Variants in EYA1 observed in about 807,000 individuals in gnomAD.
EYA1 encodes the protein protein phosphatase EYA1.
In EYA1, 16 loss-of-function variants were observed where a neutral mutation model predicts 82.0. That is an observed-to-expected ratio of 0.20 (90% CI 0.13 to 0.30). The LOEUF (loss-of-function observed/expected upper bound fraction) is 0.30. Ranked by LOEUF, EYA1 falls within the 10% of genes least tolerant of loss-of-function variation. The pLI is 1.00. For synonymous variants in EYA1, 261 were observed against 264.4 expected (o/e 0.99, Z 0.12); for missense variants, 633 against 730.7 (o/e 0.87, Z 1.54).
At position 71,215,528 on chromosome 8, in the gene EYA1, AC is replaced by A. The variant is rs774597787; in HGVS notation, c.1476-21del. 36 of 1,613,366 alleles carry A rather than the reference AC, an allele frequency of 2.2e-5. No individual in the cohort carries two copies. The Admixed American group carries it at 4.3e-4, about 19-fold the overall frequency. On this transcript the variant is annotated intron_variant, in intron 15 of 17. Transcript: ENST00000340726. ...TTTGTCCTATGAGAACAAAAAGAAAACAAAGACTGTTGAAAAATAAATCTCC... is the reference window on the plus strand; with the variant it reads ...TTTGTCCTATGAGAACAAAAAGAAAAAAAGACTGTTGAAAAATAAATCTCC...
intron 2 of EYA1, among the ~76,000 whole-genome samples, chr8:71,475,222 A>G (rs1563650728): frequency 1.3e-5 from 2 of 152,222 alleles, no homozygotes; most frequent in Non-Finnish European, 2.9e-5. Context: ...AAATCAAGGT[A>G]TATAATAGTG....
At chr8:71,290,701 C>T (rs1818901043) in intron 9 of EYA1, among the ~76,000 whole-genome samples, 1 of 151,930 alleles carries the variant, frequency 6.6e-6, no homozygotes, top group African/African-American at 2.4e-5. Context: ...TCACAGGTAA[C>T]AAAACTCATT....
chr8:71,374,759 G>A (rs1263824005), intron 2 of EYA1, among the ~76,000 whole-genome samples: 1 of 152,086 alleles, frequency 6.6e-6, no homozygotes, highest in Non-Finnish European at 1.5e-5. Flanking sequence ...CAACTTCAGT[G>A]TCCACTGACA....
chr8:71,506,087 T>A (rs972155919), intron 2 of EYA1, among the ~76,000 whole-genome samples: 3 of 152,188 alleles, frequency 2.0e-5, no homozygotes, highest in African/African-American at 7.2e-5. Flanking sequence ...TGTGAGTCAA[T>A]TAAGCTTCTT....
chr8:71,463,617 CT>C lies in EYA1; in HGVS notation c.33+72126del, dbSNP rs1563640093. Among the ~76,000 whole-genome samples, 721 of 132,302 alleles carry C rather than the reference CT, an allele frequency of 5.4e-3. 59 individuals carry two copies. The highest frequency in any genetic ancestry group is 0.02 in the African/African-American group (602 of 29,882). The allele number at this position is 132,302 out of a possible 152,430, so 86.8% of individuals were successfully genotyped here. A position where few individuals can be genotyped will look rare whatever the true frequency, so the allele number is the denominator to read the frequency against. ...TCTCTCTCTCTCTCTCTCTCTCTCT[CT>C]CTCTCTCTCTCTCTCCCTCCCTCCC... On this transcript the variant is annotated intron_variant, in intron 2 of 18. Coordinates refer to the EYA1 transcript ENST00000643681.
intron 7 of EYA1, among the ~76,000 whole-genome samples, chr8:71,300,643 T>G (rs1820104269): frequency 6.6e-6 from 1 of 151,946 alleles, no homozygotes; most frequent in African/African-American, 2.4e-5. Flanking sequence ...AGAAAAAAAA[T>G]TATAGATTTA....
At chr8:71,207,187 A>C (rs1807896142) in intron 17 of EYA1, among the ~76,000 whole-genome samples, 1 of 152,204 alleles carries the variant, frequency 6.6e-6, no homozygotes, top group Non-Finnish European at 1.5e-5. Context: ...TCCTCCTCCT[A>C]AATTATTTCC....
intron 2 of EYA1, among the ~76,000 whole-genome samples, chr8:71,427,083 G>A (rs1432220869): frequency 1.3e-5 from 2 of 152,214 alleles, no homozygotes; most frequent in East Asian, 3.8e-4. Flanking sequence ...TTGAAGCACT[G>A]TCTTGCGGTT....
intron 12 of EYA1, among the ~76,000 whole-genome samples, chr8:71,233,872 TAAAGA>T (rs1202668101): frequency 1.3e-5 from 2 of 152,162 alleles, no homozygotes; most frequent in Non-Finnish European, 2.9e-5. Context: ...AATAAGTAAT[TAAAGA>T]AAACATATGA....
intron 9 of EYA1, among the ~76,000 whole-genome samples, chr8:71,294,241 C>T (rs1286960164): frequency 6.6e-6 from 1 of 152,046 alleles, no homozygotes; most frequent in Non-Finnish European, 1.5e-5. Flanking sequence ...GGGTGGATCA[C>T]GAGGTCAGGA....
chr8:71,405,500 C>A (rs1830170355), intron 2 of EYA1, among the ~76,000 whole-genome samples: 1 of 152,122 alleles, frequency 6.6e-6, no homozygotes, highest in Admixed American at 6.5e-5. Flanking sequence ...GTATGTAAGG[C>A]CCTTGATTAT....
At chr8:71,250,747 A>G (rs1413690612) in intron 11 of EYA1, among the ~76,000 whole-genome samples, 2 of 152,166 alleles carry the variant, frequency 1.3e-5, no homozygotes, top group East Asian at 3.9e-4. Flanking sequence ...GTTTTTTCCT[A>G]TCCCTATATC....
chr8:71,504,746 C>G (rs1409483523), intron 2 of EYA1, among the ~76,000 whole-genome samples: 1 of 152,136 alleles, frequency 6.6e-6, no homozygotes, highest in Non-Finnish European at 1.5e-5. Flanking sequence ...TCCTGTAATT[C>G]TACTTCCACA....
intron 2 of EYA1, among the ~76,000 whole-genome samples, chr8:71,466,446 T>C (rs1009434697): frequency 2.0e-5 from 3 of 152,160 alleles, no homozygotes; most frequent in African/African-American, 7.2e-5. Flanking sequence ...ATGAGTGATA[T>C]GAAGTATTGT....
At position 71,509,418 on chromosome 8, in the gene EYA1, A is replaced by G. The variant is rs372966111; in HGVS notation, c.33+26326T>C. Among the ~76,000 whole-genome samples the G allele has an allele frequency of 3.3e-5, 5 of 152,276 alleles. No individual in the cohort carries two copies. The South Asian group carries it at 6.2e-4, about 19-fold the overall frequency. Reference sequence around the variant, plus strand: ...TTATTTTAGGAACTACTTTCACAGAAAAGTAAGTAGACAGTTGGCTCCTTC... The same window carrying G: ...TTATTTTAGGAACTACTTTCACAGAGAAGTAAGTAGACAGTTGGCTCCTTC... On this transcript the variant is annotated intron_variant, in intron 2 of 18. Transcript: ENST00000643681.
chr8:71,504,604 C>T (rs1812050793), intron 2 of EYA1, among the ~76,000 whole-genome samples: 2 of 152,104 alleles, frequency 1.3e-5, no homozygotes, highest in Admixed American at 1.3e-4. Context: ...CCAGGACTTA[C>T]TTTCATATTA....
intron 2 of EYA1, among the ~76,000 whole-genome samples, chr8:71,458,921 C>A (rs553600470): frequency 6.6e-6 from 1 of 152,008 alleles, no homozygotes; most frequent in Non-Finnish European, 1.5e-5. Context: ...TGGAAGAAAA[C>A]ACACAGAAAT....
chr8:71,348,754 C>A (rs973753843), intron 3 of EYA1, among the ~76,000 whole-genome samples: 2 of 152,204 alleles, frequency 1.3e-5, no homozygotes, highest in African/African-American at 4.8e-5. Context: ...GGACTCCTTG[C>A]TGATCCTAGA....
intron 2 of EYA1, among the ~76,000 whole-genome samples, chr8:71,401,676 A>G (rs1298012038): frequency 1.3e-5 from 2 of 152,200 alleles, no homozygotes; most frequent in African/African-American, 4.8e-5. Flanking sequence ...TCAAATGGGA[A>G]TAATAATAGT....
Sources: gnomAD v4.1 joint callset for allele counts (sites outside exome capture counted in the v4.1 genomes callset) on GRCh38, gnomAD v4.1.1 for gene constraint, MANE v1.5 for transcripts, NCBI Gene and HGNC (gene_info 2026-07-23, HGNC 2026-07-21) for gene names.